Variants in MARCHF10 observed in about 807,000 individuals in gnomAD.
MARCHF10 encodes probable E3 ubiquitin-protein ligase MARCHF10.
Under a neutral mutation model 76.2 loss-of-function variants are expected in MARCHF10, and 64 were observed. That is an observed-to-expected ratio of 0.84 (90% CI 0.69 to 1.03). The LOEUF is 1.03. Ranked by LOEUF, MARCHF10 falls within the 50% of genes least tolerant of loss-of-function variation. MARCHF10 has a pLI of 0.00. For missense variants in MARCHF10, 875 were observed against 958.0 expected (o/e 0.91, Z 1.14); for synonymous variants, 340 against 357.5 (o/e 0.95, Z 0.55).
At chr17:62,715,431 T>C (rs1044821809) in intron 8 of MARCHF10, among the ~76,000 whole-genome samples, 41 of 152,352 alleles carry the variant, frequency 2.7e-4, no homozygotes, top group Admixed American at 2.2e-3. Context: ...ACCTAAGCTT[T>C]CCTTAAACCT....
At chr17:62,768,891 A>G (rs1398151136) in intron 3 of MARCHF10, among the ~76,000 whole-genome samples, 1 of 152,206 alleles carries the variant, frequency 6.6e-6, no homozygotes, top group Non-Finnish European at 1.5e-5. Context: ...TGTCCCCAAG[A>G]TGTCTTTTTG....
intron 3 of MARCHF10, among the ~76,000 whole-genome samples, chr17:62,775,909 T>G (rs959566158): frequency 6.6e-6 from 1 of 152,060 alleles, no homozygotes; most frequent in Non-Finnish European, 1.5e-5. Context: ...CTTGAACCCC[T>G]GGGCTCAAGT....
chr17:62,717,658 G>A (rs1293345317), intron 8 of MARCHF10, among the ~76,000 whole-genome samples: 1 of 152,238 alleles, frequency 6.6e-6, no homozygotes, highest in Non-Finnish European at 1.5e-5. Flanking sequence ...AGTGGTTGCT[G>A]TCTTCTCCTG....
chr17:62,806,715 C>T (rs2093170265), intron 1 of MARCHF10: 2 of 152,210 alleles, frequency 1.3e-5, no homozygotes, highest in Non-Finnish European at 2.9e-5. Flanking sequence ...GTGACATACA[C>T]GTTCTTCTCT....
intron 4 of MARCHF10, among the ~76,000 whole-genome samples, chr17:62,751,300 C>T (rs1422554341): frequency 6.6e-6 from 1 of 152,158 alleles, no homozygotes; most frequent in Non-Finnish European, 1.5e-5. Flanking sequence ...TCCTCACCTG[C>T]AAAACGAGAC....
At chr17:62,706,595 C>G (rs1435717080) in intron 9 of MARCHF10, 3 of 152,200 alleles carry the variant, frequency 2.0e-5, no homozygotes, top group African/African-American at 7.2e-5. Context: ...GGGGTAGGCA[C>G]AGTCCATCCA....
chr17:62,762,778 T>C (rs1230282805), intron 3 of MARCHF10, among the ~76,000 whole-genome samples: 1 of 152,200 alleles, frequency 6.6e-6, no homozygotes, highest in Non-Finnish European at 1.5e-5. Context: ...ACCCCTGAGC[T>C]CAGGCAAGCC....
At chr17:62,761,509 C>T (rs1221247595) in intron 3 of MARCHF10, among the ~76,000 whole-genome samples, 2 of 152,084 alleles carry the variant, frequency 1.3e-5, no homozygotes, top group Non-Finnish European at 2.9e-5. Context: ...GCAACCTCCG[C>T]CTCTCGGGTT....
intron 3 of MARCHF10, among the ~76,000 whole-genome samples, chr17:62,778,999 C>A (rs747876689): frequency 6.6e-6 from 1 of 152,168 alleles, no homozygotes; most frequent in Admixed American, 6.5e-5. Flanking sequence ...AAAACAAACT[C>A]AAAGGAAAAT....
At chr17:62,717,492 A>T (rs1174749937) in intron 8 of MARCHF10, among the ~76,000 whole-genome samples, 1 of 152,220 alleles carries the variant, frequency 6.6e-6, no homozygotes, top group East Asian at 1.9e-4. Context: ...TCTGTGGCCC[A>T]GGGGCCGGCC....
intron 10 of MARCHF10, among the ~76,000 whole-genome samples, chr17:62,702,540 T>C (rs1233323043): frequency 6.6e-6 from 1 of 151,948 alleles, no homozygotes; most frequent in African/African-American, 2.4e-5. Context: ...GTGGCGGGTG[T>C]CTGTAATCCC....
At chr17:62,710,550 C>CTTTTTTTTTTTTTTTTTTTTTTTTT (rs552647502) in intron 9 of MARCHF10, among the ~76,000 whole-genome samples, 1 of 88,620 alleles carries the variant, frequency 1.1e-5, no homozygotes, top group African/African-American at 5.1e-5. Context: ...TTGAACCCAG[C>CTTTTTTTTTTTTTTTTTTTTTTTTT]TTTTTTTTTT....
At chr17:62,745,945 T>G (rs2091688887) in intron 4 of MARCHF10, among the ~76,000 whole-genome samples, 1 of 152,134 alleles carries the variant, frequency 6.6e-6, no homozygotes, top group East Asian at 1.9e-4. Context: ...CTTTAGACAG[T>G]TTGGAAATTT....
chr17:62,788,530 C>T lies in MARCHF10; in HGVS notation c.160G>A (p.Glu54Lys). 1 of 1,614,152 alleles carries T rather than the reference C, an allele frequency of 6.2e-7. No individual in the cohort carries two copies. The highest frequency in any genetic ancestry group is 8.5e-7 in the Non-Finnish European group (1 of 1,180,030). ...EKKRDQFWGQ[E>K]TSFERSRFSS... ...AACCGGGATCTCTCAAAACTTGTCT[C>T]TTGCCCCCAAAACTGATCGCGTTTC... The change falls in exon 3 of 11, where the codon GAG becomes AAG. Residue 54 changes from glutamate (E) to lysine (K), a missense_variant. By Grantham distance (56) the Glu-to-Lys change is moderately conservative. Transcript: ENST00000311269.
At chr17:62,724,810 C>T in intron 7 of MARCHF10, 128 bp downstream of exon 7, 1 of 959,112 alleles carries the variant, frequency 1.0e-6, no homozygotes, top group Non-Finnish European at 1.6e-6. Context: ...TGGAGCTCAG[C>T]CACGTGTCCC....
intron 3 of MARCHF10, among the ~76,000 whole-genome samples, chr17:62,786,374 G>T (rs778510034): frequency 2.0e-5 from 3 of 149,054 alleles, no homozygotes; most frequent in Non-Finnish European, 4.5e-5. Flanking sequence ...ACACACTGGG[G>T]CATGTCATGG....
intron 4 of MARCHF10, chr17:62,746,774 A>G (rs1027470905): frequency 1.2e-4 from 104 of 861,126 alleles, no homozygotes; most frequent in Non-Finnish European, 1.7e-4. Context: ...TTCCAGCAGG[A>G]ATCCCAGCAG....
At chr17:62,722,920 CA>C (rs2090562288) in intron 7 of MARCHF10, among the ~76,000 whole-genome samples, 1 of 150,892 alleles carries the variant, frequency 6.6e-6, no homozygotes, top group African/African-American at 2.4e-5. Flanking sequence ...GAGTCTGTAA[CA>C]CAGGTGTTTG....
intron 3 of MARCHF10, among the ~76,000 whole-genome samples, chr17:62,782,759 T>A (rs747038096): frequency 5.3e-5 from 8 of 152,256 alleles, no homozygotes; most frequent in Non-Finnish European, 1.0e-4. Context: ...TTGAGTTTCA[T>A]AAGAGATCTC....
Sources: allele counts gnomAD v4.1 joint callset (sites outside exome capture counted in the v4.1 genomes callset), GRCh38; gene constraint gnomAD v4.1.1; transcripts MANE v1.5; gene names NCBI Gene and HGNC (gene_info 2026-07-23, HGNC 2026-07-21).